The following CDH18 variants were observed in gnomAD, a reference collection of about 807,000 sequenced individuals.
CDH18 encodes cadherin-18.
A neutral mutation model predicts 67.9 loss-of-function variants in CDH18; 31 were observed. The observed-to-expected ratio is 0.46, with a 90% CI of 0.34 to 0.62. CDH18 has a LOEUF of 0.62. CDH18 is among the 20% of genes least tolerant of loss of function. CDH18 has a pLI of 0.01. For synonymous variants in CDH18, 362 were observed against 347.2 expected, an observed-to-expected ratio of 1.04 and a Z score of -0.48; for missense variants, 890 against 975.5, an observed-to-expected ratio of 0.91 and a Z score of 1.17.
At chr5:19,482,176 C>T (rs567575643) in intron 12 of CDH18, among the ~76,000 whole-genome samples, 7 of 151,856 alleles carry the variant, frequency 4.6e-5, no homozygotes, top group South Asian at 4.2e-4. Flanking sequence ...AGTGCAGTGG[C>T]GCGATCTCAG....
chr5:19,676,957 T>C (rs892476969), intron 5 of CDH18, among the ~76,000 whole-genome samples: 1 of 152,094 alleles, frequency 6.6e-6, no homozygotes, highest in Non-Finnish European at 1.5e-5. Context: ...GCTCTAAAAC[T>C]TCCCTTGGTC....
At chr5:20,425,909 A>C (rs1163099523) in intron 1 of CDH18, among the ~76,000 whole-genome samples, 1 of 151,128 alleles carries the variant, frequency 6.6e-6, no homozygotes. Context: ...GTAGGCTGCT[A>C]TTTACATGCA....
chr5:19,504,420 T>G (rs906451858), intron 10 of CDH18, among the ~76,000 whole-genome samples: 1 of 152,064 alleles, frequency 6.6e-6, no homozygotes, highest in Admixed American at 6.6e-5. Flanking sequence ...AAAATCTTTT[T>G]TTTTTATTTG....
At chr5:19,593,702 C>T (rs1392145282) in intron 6 of CDH18, among the ~76,000 whole-genome samples, 1 of 48,796 alleles carries the variant, frequency 2.0e-5, no homozygotes, top group Non-Finnish European at 4.1e-5. Flanking sequence ...CCTCTTCCTC[C>T]TCCTCCTTCT....
intron 6 of CDH18, among the ~76,000 whole-genome samples, chr5:19,591,587 C>T (rs1400403830): frequency 1.3e-5 from 2 of 151,804 alleles, no homozygotes; most frequent in Non-Finnish European, 2.9e-5. Context: ...TAGTGTAATC[C>T]CAATTTATTC....
intron 1 of CDH18, among the ~76,000 whole-genome samples, chr5:19,987,393 G>C (rs1371654149): frequency 6.6e-6 from 1 of 151,700 alleles, no homozygotes; most frequent in African/African-American, 2.4e-5. Flanking sequence ...ATGAATGAGA[G>C]TTAACAAACA....
intron 2 of CDH18, among the ~76,000 whole-genome samples, chr5:20,238,364 T>C (rs185311791): frequency 2.0e-4 from 30 of 152,226 alleles, no homozygotes; most frequent in African/African-American, 7.2e-4. Flanking sequence ...AGAATTTAAA[T>C]AGAAATCTCA....
intron 1 of CDH18, among the ~76,000 whole-genome samples, chr5:20,281,260 T>A (rs1746247480): frequency 6.6e-6 from 1 of 152,202 alleles, no homozygotes; most frequent in Admixed American, 6.5e-5. Context: ...GCTTTTGGTG[T>A]TTTAGACATG....
chr5:20,129,265 C>A (rs978039795), intron 2 of CDH18, among the ~76,000 whole-genome samples: 1 of 151,868 alleles, frequency 6.6e-6, no homozygotes, highest in African/African-American at 2.4e-5. Flanking sequence ...CAAAATATAT[C>A]TATATCTTTA....
At chr5:20,516,109 T>G (rs1293080959) in intron 1 of CDH18, among the ~76,000 whole-genome samples, 2 of 152,062 alleles carry the variant, frequency 1.3e-5, no homozygotes, top group Admixed American at 6.6e-5. Flanking sequence ...GTTATATATC[T>G]GATAATGAAT....
At chr5:20,329,185 C>G (rs770402632) in intron 1 of CDH18, among the ~76,000 whole-genome samples, 3 of 152,030 alleles carry the variant, frequency 2.0e-5, no homozygotes, top group Non-Finnish European at 4.4e-5. Context: ...TTAAATAATG[C>G]AGGTCAGCCA....
chr5:19,943,664 C>T (rs896797868), intron 2 of CDH18, among the ~76,000 whole-genome samples: 3 of 151,756 alleles, frequency 2.0e-5, no homozygotes, highest in Non-Finnish European at 2.9e-5. Flanking sequence ...AGAATTGGGA[C>T]CAAAGGATTC....
intron 8 of CDH18, among the ~76,000 whole-genome samples, chr5:19,544,852 A>G (rs139140547): frequency 6.6e-6 from 1 of 152,266 alleles, no homozygotes; most frequent in East Asian, 1.9e-4. Flanking sequence ...GCGTAGATCA[A>G]TCTAGTAAAT....
At chr5:20,471,764 T>TGCACTCCA (rs1371406721) in intron 1 of CDH18, among the ~76,000 whole-genome samples, 78 of 136,106 alleles carry the variant, frequency 5.7e-4, no homozygotes, top group African/African-American at 2.0e-3. Flanking sequence ...ATCACGCCAC[T>TGCACTCCA]GCACTCCAGC....
At chr5:19,994,642 T>G (rs1213532671) in intron 2 of CDH18, among the ~76,000 whole-genome samples, 2 of 140,114 alleles carry the variant, frequency 1.4e-5, no homozygotes, top group Non-Finnish European at 3.1e-5. Flanking sequence ...CTCACTACCC[T>G]CTAGCAATAA....
intron 2 of CDH18, among the ~76,000 whole-genome samples, chr5:19,969,852 TA>T (rs1177208033): frequency 1.3e-5 from 2 of 151,734 alleles, no homozygotes; most frequent in East Asian, 1.9e-4. Context: ...AATAATAAAA[TA>T]AAAAAAGAAG....
chr5:19,560,671 T>C (rs1296997567), intron 8 of CDH18, among the ~76,000 whole-genome samples: 1 of 151,960 alleles, frequency 6.6e-6, no homozygotes, highest in Non-Finnish European at 1.5e-5. Flanking sequence ...TGGAACTTAA[T>C]TAAAGTAAAA....
chr5:20,552,380 G>A (rs1757679808), intron 1 of CDH18, among the ~76,000 whole-genome samples: 1 of 152,076 alleles, frequency 6.6e-6, no homozygotes. Context: ...GAGAGGCTGA[G>A]GCAGGAGAAT....
intron 5 of CDH18, among the ~76,000 whole-genome samples, chr5:19,661,858 A>G (rs1331929974): frequency 1.3e-5 from 2 of 152,080 alleles, no homozygotes; most frequent in African/African-American, 4.8e-5. Context: ...GGAATCACAT[A>G]ATGTTTGGTC....
Sources: gnomAD v4.1 joint callset for allele counts (sites outside exome capture counted in the v4.1 genomes callset) on GRCh38, gnomAD v4.1.1 for gene constraint, MANE v1.5 for transcripts, NCBI Gene and HGNC (gene_info 2026-07-23, HGNC 2026-07-21) for gene names.